The following MRTFA variants were observed in gnomAD, a reference collection of about 807,000 sequenced individuals.
MRTFA encodes the protein myocardin-related transcription factor A.
Under a neutral mutation model 83.5 loss-of-function variants are expected in MRTFA, and 20 were observed. The observed-to-expected ratio is 0.24, with a 90% confidence interval of 0.17 to 0.35. MRTFA has a LOEUF of 0.35. Among genes scored for constraint, MRTFA ranks in the 10% least tolerant of loss-of-function variants. The probability of loss-of-function intolerance (pLI) is 1.00; values close to 1 mark genes in which losing one functional copy is unlikely to be tolerated. For synonymous variants in MRTFA, 659 were observed against 541.2 expected, an observed-to-expected ratio of 1.22 and a Z score of -3.02; for missense variants, 1,200 against 1,224.7, an observed-to-expected ratio of 0.98 and a Z score of 0.30.
At chr22:40,618,250 ATTTTTT>A (rs1011885827) in intron 1 of MRTFA, among the ~76,000 whole-genome samples, 1 of 104,128 alleles carries the variant, frequency 9.6e-6, no homozygotes, top group African/African-American at 3.6e-5. Flanking sequence ...AATTTTTTGT[ATTTTTT>A]TTTTTTTTTT....
At chr22:40,486,992 G>A (rs562943550) in intron 3 of MRTFA, among the ~76,000 whole-genome samples, 2 of 152,124 alleles carry the variant, frequency 1.3e-5, no homozygotes, top group African/African-American at 2.4e-5. Flanking sequence ...ACAAACAAAA[G>A]AGAAGGGTAG....
chr22:40,508,280 C>T (rs868108553), intron 3 of MRTFA, among the ~76,000 whole-genome samples: 3 of 151,748 alleles, frequency 2.0e-5, no homozygotes, highest in African/African-American at 7.3e-5. Context: ...GAGGCCGAGG[C>T]GGGCAGATCA....
chr22:40,469,062 G>A (rs1295979189), intron 3 of MRTFA, among the ~76,000 whole-genome samples: 3 of 152,188 alleles, frequency 2.0e-5, no homozygotes, highest in Non-Finnish European at 2.9e-5. Context: ...ATTGCATGGT[G>A]CTTATTTAAC....
At position 40,625,650 on chromosome 22, in the gene MRTFA, C is replaced by T. The variant is rs762299015; in HGVS notation, c.-84+10828G>A. On this transcript the variant is annotated intron_variant, in intron 1 of 14. Coordinates refer to ENST00000355630, the MANE Select transcript of MRTFA (RefSeq NM_020831.6). ...AAAATTAGTCGGGCATGGTGGCAGG[C>T]GCTTGTAATTCCCAGCTACTTGGGA... is the stretch of plus-strand genomic sequence containing the variant. Among the ~76,000 whole-genome samples the T allele has an allele frequency of 2.7e-4, 41 of 151,962 alleles. 1 individual carries two copies. The highest frequency in any genetic ancestry group is 4.2e-4 in the South Asian group (2 of 4,810).
chr22:40,502,164 C>T (rs2054498324), intron 3 of MRTFA, among the ~76,000 whole-genome samples: 1 of 146,218 alleles, frequency 6.8e-6, no homozygotes, highest in Non-Finnish European at 1.5e-5. Flanking sequence ...GGGGCTGACC[C>T]CCCCCACCTC....
chr22:40,533,841 C>A (rs755586825), intron 3 of MRTFA: 14 of 382,336 alleles, frequency 3.7e-5, no homozygotes, highest in African/African-American at 2.7e-4. Context: ...TTACTGCCGA[C>A]AGGAAACCAA....
chr22:40,591,995 A>G (rs2056126957), intron 2 of MRTFA, among the ~76,000 whole-genome samples: 2 of 152,214 alleles, frequency 1.3e-5, no homozygotes, highest in African/African-American at 4.8e-5. Flanking sequence ...TTAATTGCAT[A>G]TCACCTAGGA....
intron 3 of MRTFA, among the ~76,000 whole-genome samples, chr22:40,470,714 C>T (rs371184651): frequency 2.0e-5 from 3 of 151,808 alleles, no homozygotes; most frequent in East Asian, 1.9e-4. Flanking sequence ...TTTGGGACGC[C>T]GAGAAAGGCA....
At chr22:40,611,826 A>G (rs2056391312) in intron 1 of MRTFA, among the ~76,000 whole-genome samples, 1 of 152,188 alleles carries the variant, frequency 6.6e-6, no homozygotes, top group African/African-American at 2.4e-5. Context: ...CAAGACCAAG[A>G]AGCAATTTGG....
At chr22:40,494,881 A>G (rs1317264164) in intron 3 of MRTFA, among the ~76,000 whole-genome samples, 2 of 152,196 alleles carry the variant, frequency 1.3e-5, no homozygotes, top group Non-Finnish European at 2.9e-5. Flanking sequence ...GAAACAGGGA[A>G]GGAGACTCTA....
At chr22:40,633,337 AAAAC>A (rs778594034) in intron 1 of MRTFA, among the ~76,000 whole-genome samples, 11 of 152,206 alleles carry the variant, frequency 7.2e-5, no homozygotes, top group Non-Finnish European at 1.3e-4. Context: ...GCTGGGAAGA[AAAAC>A]AAATATCCTC....
chr22:40,486,877 G>A (rs752179739), intron 3 of MRTFA, among the ~76,000 whole-genome samples: 4 of 152,228 alleles, frequency 2.6e-5, no homozygotes, highest in Non-Finnish European at 4.4e-5. Context: ...GGGGACTAAG[G>A]CGGGAGGATC....
intron 3 of MRTFA, among the ~76,000 whole-genome samples, chr22:40,523,149 T>C (rs962657190): frequency 1.3e-5 from 2 of 151,772 alleles, no homozygotes; most frequent in African/African-American, 2.4e-5. Context: ...AGTTGTCAAA[T>C]TGTGAACGTT....
intron 1 of MRTFA, among the ~76,000 whole-genome samples, chr22:40,622,903 G>A (rs1490240235): frequency 6.6e-6 from 1 of 152,242 alleles, no homozygotes; most frequent in African/African-American, 2.4e-5. Context: ...AGATGATTAA[G>A]AAGTGATCAG....
chr22:40,513,924 C>G (rs1468284366), intron 3 of MRTFA, among the ~76,000 whole-genome samples: 1 of 151,848 alleles, frequency 6.6e-6, no homozygotes, highest in Non-Finnish European at 1.5e-5. Context: ...TAGTGAGAGC[C>G]TGTCTCTAGT....
intron 3 of MRTFA, among the ~76,000 whole-genome samples, chr22:40,497,386 C>A (rs2054373567): frequency 6.6e-6 from 1 of 152,114 alleles, no homozygotes; most frequent in Non-Finnish European, 1.5e-5. Flanking sequence ...AGAGAAAGGT[C>A]ATTTGGACAG....
At chr22:40,602,579 C>G (rs1253860325) in intron 1 of MRTFA, among the ~76,000 whole-genome samples, 1 of 151,968 alleles carries the variant, frequency 6.6e-6, no homozygotes, top group Non-Finnish European at 1.5e-5. Context: ...AAAGGCACCC[C>G]TGTAATCCCA....
intron 7 of MRTFA, among the ~76,000 whole-genome samples, chr22:40,427,716 A>G (rs756379576): frequency 2.6e-5 from 4 of 152,232 alleles, no homozygotes; most frequent in Non-Finnish European, 4.4e-5. Flanking sequence ...TCAGTTATGT[A>G]TAACAAGCCC....
At chr22:40,474,996 G>A (rs1267289406) in intron 3 of MRTFA, among the ~76,000 whole-genome samples, 1 of 151,896 alleles carries the variant, frequency 6.6e-6, no homozygotes, top group Non-Finnish European at 1.5e-5. Flanking sequence ...GTGCCACCAC[G>A]CCTGACTAAT....
Sources: gnomAD v4.1 joint callset for allele counts (sites outside exome capture counted in the v4.1 genomes callset) on GRCh38, gnomAD v4.1.1 for gene constraint, MANE v1.5 for transcripts, NCBI Gene and HGNC (gene_info 2026-07-23, HGNC 2026-07-21) for gene names.